ABCG2: variants seen among roughly 807,000 people sequenced by gnomAD.
The protein encoded by ABCG2 is broad substrate specificity ATP-binding cassette transporter ABCG2.
ABCG2 carries 80 observed loss-of-function variants against 73.5 expected under a neutral mutation model. The ratio of observed to expected loss-of-function variants is 1.09; its 90% confidence interval spans 0.91 to 1.31. ABCG2 has a LOEUF of 1.31. Among genes scored for constraint, ABCG2 ranks in the 50% most tolerant of loss-of-function variants. The pLI, the probability that ABCG2 is intolerant of heterozygous loss-of-function variation, is 0.00. For missense variants in ABCG2, 796 were observed against 786.2 expected (o/e 1.01, Z -0.15); for synonymous variants, 269 against 282.4 (o/e 0.95, Z 0.48).
At chr4:88,119,441 G>A (rs1723812482) in intron 6 of ABCG2, among the ~76,000 whole-genome samples, 1 of 152,218 alleles carries the variant, frequency 6.6e-6, no homozygotes, top group Admixed American at 6.5e-5. Context: ...GGAACAGTTT[G>A]GAGGGCTAAG....
At chr4:88,130,003 G>C (rs1213014419) in intron 5 of ABCG2, among the ~76,000 whole-genome samples, 1 of 152,052 alleles carries the variant, frequency 6.6e-6, no homozygotes, top group East Asian at 1.9e-4. Context: ...AGGCAGAGAA[G>C]GGAGGGAATG....
At chr4:88,185,708 T>G (rs1301505838) in intron 1 of ABCG2, among the ~76,000 whole-genome samples, 1 of 152,164 alleles carries the variant, frequency 6.6e-6, no homozygotes, top group East Asian at 1.9e-4. Flanking sequence ...TGAACAGACA[T>G]TTCTCAAAAG....
At chr4:88,151,345 A>C (rs1386289635) in intron 1 of ABCG2, among the ~76,000 whole-genome samples, 1 of 152,226 alleles carries the variant, frequency 6.6e-6, no homozygotes, top group African/African-American at 2.4e-5. Flanking sequence ...CCTACAACCC[A>C]GTCCTTGTTC....
intron 1 of ABCG2, among the ~76,000 whole-genome samples, chr4:88,187,303 T>C (rs892476766): frequency 6.6e-6 from 1 of 151,994 alleles, no homozygotes; most frequent in African/African-American, 2.4e-5. Flanking sequence ...AATTGGGTTG[T>C]CTGTGACACA....
intron 13 of ABCG2, among the ~76,000 whole-genome samples, chr4:88,097,193 C>T (rs1041921720): frequency 3.3e-5 from 5 of 152,026 alleles, no homozygotes; most frequent in South Asian, 2.1e-4. Context: ...CACAAAGAAA[C>T]GCCTTTTAAA....
At chr4:88,182,394 C>A (rs990399799) in intron 1 of ABCG2, among the ~76,000 whole-genome samples, 5 of 152,072 alleles carry the variant, frequency 3.3e-5, no homozygotes, top group African/African-American at 4.8e-5. Context: ...CACAATACAC[C>A]AAATGAAACT....
In ABCG2 at chr4:88,092,366, T is replaced by C. The variant is rs1721694107; in HGVS notation, c.1836A>G (p.Glu612=). 3.1e-6 allele frequency: 5 copies of C among 1,606,584 alleles called. No homozygotes were observed. The highest frequency in any genetic ancestry group is 4.2e-6 in the Non-Finnish European group (5 of 1,178,392). The change falls in exon 16 of 16, where the codon GAA becomes GAG. Residue 612 remains glutamate, a synonymous_variant. Coordinates refer to ENST00000237612, the MANE Select transcript of ABCG2 (RefSeq NM_004827.3). ...GATCGATGCCCTGCTTTACCAAATA[T>C]TCTTCGCCAGTACATCTGAAATTAA... ...PCNYATCTGE[E]YLVKQGIDLS...
intron 10 of ABCG2, among the ~76,000 whole-genome samples, chr4:88,101,949 C>T (rs1374003593): frequency 6.6e-6 from 1 of 152,152 alleles, no homozygotes; most frequent in African/African-American, 2.4e-5. Context: ...TCCTAATGTA[C>T]AAACAGAAAA....
chr4:88,130,292 C>T (rs1242827104), intron 5 of ABCG2, among the ~76,000 whole-genome samples: 1 of 151,874 alleles, frequency 6.6e-6, no homozygotes, highest in African/African-American at 2.4e-5. Context: ...AGCATGAACC[C>T]TATTGTGAAC....
rs1724826951 is a variant in ABCG2, at chr4:88,131,056, A to G, written c.531+5T>C. 6.2e-7 allele frequency: 1 copy of G among 1,613,530 alleles called. No individual in the cohort carries two copies. Among genetic ancestry groups the G allele is most frequent in the Non-Finnish European group, 8.5e-7 (1 of 1,179,816 alleles). On this transcript the variant is annotated splice_donor_5th_base_variant and intron_variant, in intron 5 of 15. Coordinates refer to ENST00000237612, the MANE Select transcript of ABCG2 (RefSeq NM_004827.3). ...ATCATGATGCTTTCAGTTTTTCCAC[A>G]TTACCTTGGAGTCTGCCACTTTATC...
chr4:88,211,922 T>C (rs1466383257), intron 1 of ABCG2, among the ~76,000 whole-genome samples: 1 of 152,202 alleles, frequency 6.6e-6, no homozygotes, highest in African/African-American at 2.4e-5. Flanking sequence ...TCTTACCTGA[T>C]TGCAGTCAAA....
rs117294932 is a variant in ABCG2, at chr4:88,224,960, T to C, written c.-20+6034A>G. Among the ~76,000 whole-genome samples the C allele has an allele frequency of 2.1e-4, 32 of 152,340 alleles. No individual in the cohort carries two copies. The East Asian group carries it at 6.0e-3, about 28-fold the overall frequency. ...AAAAGACTGTCCTTTTCCCATTGAA[T>C]GGTCTTGGCACCTTTGTCAAAAACC... On this transcript the variant is annotated intron_variant, in intron 1 of 15. Coordinates refer to the ABCG2 transcript ENST00000515655.
At chr4:88,199,318 T>C (rs1436774661) in intron 1 of ABCG2, among the ~76,000 whole-genome samples, 1 of 152,126 alleles carries the variant, frequency 6.6e-6, no homozygotes, top group Non-Finnish European at 1.5e-5. Context: ...CCCAAATTAA[T>C]GTTAGATACC....
At chr4:88,195,701 G>C (rs1264161074) in intron 1 of ABCG2, among the ~76,000 whole-genome samples, 1 of 152,174 alleles carries the variant, frequency 6.6e-6, no homozygotes, top group African/African-American at 2.4e-5. Flanking sequence ...TTTGACCTTT[G>C]ACTTGTGGTT....
intron 1 of ABCG2, among the ~76,000 whole-genome samples, chr4:88,206,755 G>A (rs1483825395): frequency 1.3e-5 from 2 of 152,166 alleles, no homozygotes; most frequent in African/African-American, 4.8e-5. Context: ...GCCCACAGTG[G>A]TCTCGTCTTC....
At position 88,092,101 on chromosome 4, in the gene ABCG2, C is replaced by T. The variant is rs1721674880; in HGVS notation, c.*133G>A. 3.6e-6 allele frequency: 3 copies of T among 822,446 alleles called. No homozygotes were observed. The East Asian group carries it at 8.1e-5, about 22-fold the overall frequency. The allele number at this position is 822,446 out of a possible 1,614,324, so 50.9% of individuals were successfully genotyped here. A position where few individuals can be genotyped will look rare whatever the true frequency, so the allele number is the denominator to read the frequency against. Reference sequence around the variant, plus strand: ...TGTTGTGATTTCTAAAAATGTATCTCTTTAAAACAATTGCTGCTGTGCAAC... The same window carrying T: ...TGTTGTGATTTCTAAAAATGTATCTTTTTAAAACAATTGCTGCTGTGCAAC... On this transcript the variant is annotated 3_prime_UTR_variant, in exon 16 of 16. Transcript: ENST00000237612.
chr4:88,142,755 T>C (rs1725729306), intron 1 of ABCG2, among the ~76,000 whole-genome samples: 1 of 152,148 alleles, frequency 6.6e-6, no homozygotes, highest in Non-Finnish European at 1.5e-5. Context: ...GAGGCCAGCC[T>C]GCACAACATG....
At chr4:88,204,265 C>CA (rs1162338522) in intron 1 of ABCG2, among the ~76,000 whole-genome samples, 2 of 151,676 alleles carry the variant, frequency 1.3e-5, no homozygotes, top group African/African-American at 4.8e-5. Context: ...AGTAAAAATA[C>CA]AAAAAATTAG....
rs190391196 is a variant in ABCG2 at position 88,130,586 on chromosome 4, C to T, written c.531+475G>A. ...AAAAACTGTCTTCCATAAAACTGGTCCCTGGTGGCAAAAGTTGGGGACTGC... is the reference window on the plus strand; with the variant it reads ...AAAAACTGTCTTCCATAAAACTGGTTCCTGGTGGCAAAAGTTGGGGACTGC... On this transcript the variant is annotated intron_variant, in intron 5 of 15. Transcript: ENST00000237612. 7.8e-4 allele frequency among the ~76,000 whole-genome samples: 119 copies of T among 152,186 alleles called. 1 individual carries two copies. Among genetic ancestry groups the T allele is most frequent in the Middle Eastern group, 3.4e-3 (1 of 294 alleles).
Sources: gnomAD v4.1 joint callset for allele counts (sites outside exome capture counted in the v4.1 genomes callset) on GRCh38, gnomAD v4.1.1 for gene constraint, MANE v1.5 for transcripts, NCBI Gene and HGNC (gene_info 2026-07-23, HGNC 2026-07-21) for gene names.